RANBP2: variants seen among roughly 807,000 people sequenced by gnomAD.
RANBP2 encodes the protein RAN binding protein 2, also known as E3 SUMO-protein ligase RanBP2.
In RANBP2, 57 loss-of-function variants were observed where a neutral mutation model predicts 303.6. That is an observed-to-expected ratio of 0.19 (90% CI 0.15 to 0.23). RANBP2 has a LOEUF of 0.23. Ranked by LOEUF, RANBP2 falls within the 10% of genes least tolerant of loss-of-function variation. RANBP2 has a pLI of 1.00. For synonymous variants in RANBP2, 1,167 were observed against 1,301.5 expected, an observed-to-expected ratio of 0.90 and a Z score of 2.23; for missense variants, 3,138 against 3,780.8, an observed-to-expected ratio of 0.83 and a Z score of 4.46.
chr2:108,955,070 T>C, the RANBP2 span, among the ~76,000 whole-genome samples: 3 of 152,230 alleles, frequency 2.0e-5, no homozygotes, highest in East Asian at 5.8e-4. Flanking sequence ...CTAATTTTAA[T>C]AATAGCATTA....
the RANBP2 span, among the ~76,000 whole-genome samples, chr2:109,058,716 A>G: frequency 8.0e-3 from 1,215 of 152,338 alleles, 15 homozygotes; most frequent in African/African-American, 0.028. Context: ...TATGATAAAC[A>G]GGCCTCTGAA....
chr2:109,424,004 G>A, the RANBP2 span, among the ~76,000 whole-genome samples: 1 of 152,208 alleles, frequency 6.6e-6, no homozygotes, highest in Non-Finnish European at 1.5e-5. Context: ...CGTCTGGGCC[G>A]CTGCAGGGCC....
At chr2:108,938,911 C>T in the RANBP2 span, among the ~76,000 whole-genome samples, 2 of 150,384 alleles carry the variant, frequency 1.3e-5, no homozygotes, top group African/African-American at 4.9e-5. Flanking sequence ...TCTCGAGTAG[C>T]TGCGACTACA....
At chr2:109,170,836 A>G in the RANBP2 span, among the ~76,000 whole-genome samples, 1 of 152,310 alleles carries the variant, frequency 6.6e-6, no homozygotes, top group Admixed American at 6.5e-5. Flanking sequence ...CTGTGAACAG[A>G]GAGGGCGCTT....
the RANBP2 span, among the ~76,000 whole-genome samples, chr2:109,149,930 C>T: frequency 6.6e-6 from 1 of 152,106 alleles, no homozygotes; most frequent in Non-Finnish European, 1.5e-5. Context: ...CAGCTGTGTT[C>T]TTTTATTAAA....
chr2:109,434,853 C>T, the RANBP2 span, among the ~76,000 whole-genome samples: 1 of 152,178 alleles, frequency 6.6e-6, no homozygotes, highest in Non-Finnish European at 1.5e-5. Context: ...AAATGCAGAT[C>T]GAATCAATAA....
chr2:109,225,372 C>T, the RANBP2 span, among the ~76,000 whole-genome samples: 5 of 152,322 alleles, frequency 3.3e-5, no homozygotes, highest in South Asian at 4.1e-4. Context: ...TTCCGGGCTC[C>T]GCTTGGACCC....
chr2:109,680,222 G>T, the RANBP2 span, among the ~76,000 whole-genome samples: 121 of 150,350 alleles, frequency 8.0e-4, no homozygotes, highest in Non-Finnish European at 1.4e-3. Flanking sequence ...GCATGGTGGC[G>T]GGCACCTGTA....
chr2:108,912,637 C>A, the RANBP2 span: 1 of 1,524,434 alleles, frequency 6.6e-7, no homozygotes, highest in Non-Finnish European at 8.9e-7. Flanking sequence ...ATCCGAGTAC[C>A]ACCTAACTCC....
chr2:108,910,528 G>A, the RANBP2 span: 17 of 1,612,940 alleles, frequency 1.1e-5, no homozygotes, highest in African/African-American at 6.7e-5. Context: ...ACATCACCAC[G>A]TTGTCTGCAG....
chr2:109,315,187 C>T, the RANBP2 span, among the ~76,000 whole-genome samples: 1 of 152,230 alleles, frequency 6.6e-6, no homozygotes, highest in South Asian at 2.1e-4. Flanking sequence ...TGACTTTTCT[C>T]TGGGTCCCCC....
chr2:109,400,452 C>T, the RANBP2 span, among the ~76,000 whole-genome samples: 2 of 152,260 alleles, frequency 1.3e-5, no homozygotes, highest in South Asian at 4.1e-4. Flanking sequence ...ACCCCTTCCA[C>T]ATGCACACAC....
the RANBP2 span, among the ~76,000 whole-genome samples, chr2:109,314,570 C>T: frequency 6.6e-6 from 1 of 152,154 alleles, no homozygotes; most frequent in Non-Finnish European, 1.5e-5. Context: ...TTATTCCTGC[C>T]ACTTCATAAA....
the RANBP2 span, among the ~76,000 whole-genome samples, chr2:108,901,720 C>T: frequency 6.6e-6 from 1 of 152,128 alleles, no homozygotes; most frequent in African/African-American, 2.4e-5. Flanking sequence ...TAAACAATTC[C>T]TCAAAAAACA....
At chr2:108,789,748 A>G (rs771464286), downstream of RANBP2, among the ~76,000 whole-genome samples, 4 of 152,206 alleles carry the variant, frequency 2.6e-5, no homozygotes, top group Non-Finnish European at 5.9e-5. Flanking sequence ...ACTACAGGGT[A>G]TGTAGGATAC....
chr2:109,297,213 G>A, the RANBP2 span, among the ~76,000 whole-genome samples: 11 of 152,056 alleles, frequency 7.2e-5, no homozygotes, highest in East Asian at 1.4e-3. Context: ...AAGACCCTGC[G>A]ATTCATTCAG....
the RANBP2 span, among the ~76,000 whole-genome samples, chr2:109,346,640 C>A: frequency 2.0e-5 from 3 of 152,064 alleles, no homozygotes; most frequent in Non-Finnish European, 4.4e-5. Flanking sequence ...GAGACAGGGC[C>A]AGTTAGAGAA....
At chr2:108,918,911 C>T in the RANBP2 span, among the ~76,000 whole-genome samples, 7 of 152,342 alleles carry the variant, frequency 4.6e-5, no homozygotes, top group East Asian at 1.4e-3. Context: ...GACTGTGGCA[C>T]TGGCTGTGTA....
the RANBP2 span, among the ~76,000 whole-genome samples, chr2:108,835,435 A>G: frequency 6.6e-6 from 1 of 152,216 alleles, no homozygotes; most frequent in Non-Finnish European, 1.5e-5. Context: ...AAATTCATGG[A>G]ACTGTTGATG....
Sources: allele counts gnomAD v4.1 joint callset (sites outside exome capture counted in the v4.1 genomes callset), GRCh38; gene constraint gnomAD v4.1.1; transcripts MANE v1.5; gene names NCBI Gene and HGNC (gene_info 2026-07-23, HGNC 2026-07-21).